CHSY3: variants seen among roughly 807,000 people sequenced by gnomAD.
The protein encoded by CHSY3 is chondroitin sulfate synthase 3.
A neutral mutation model predicts 67.2 loss-of-function variants in CHSY3; 35 were observed. The ratio of observed to expected loss-of-function variants is 0.52; its 90% CI spans 0.40 to 0.69. CHSY3 has a LOEUF of 0.69. Among genes scored for constraint, CHSY3 ranks in the 30% least tolerant of loss-of-function variants. CHSY3 has a pLI of 0.00. For missense variants in CHSY3, 1,069 were observed against 1,138.5 expected (o/e 0.94, Z 0.88); for synonymous variants, 474 against 434.7 (o/e 1.09, Z -1.12).
chr5:129,914,178 T>G (rs1760662721), intron 2 of CHSY3, among the ~76,000 whole-genome samples: 1 of 152,174 alleles, frequency 6.6e-6, no homozygotes, highest in African/African-American at 2.4e-5. Flanking sequence ...TGCTGCAATC[T>G]TGGCTCACTG....
intron 2 of CHSY3, among the ~76,000 whole-genome samples, chr5:130,168,369 T>C (rs2149731480): frequency 6.6e-6 from 1 of 152,232 alleles, no homozygotes; most frequent in East Asian, 1.9e-4. Context: ...ATGGCAGTCT[T>C]CGCCCTTTCT....
chr5:130,084,126 T>C (rs62391442), intron 2 of CHSY3, among the ~76,000 whole-genome samples: 8,465 of 152,084 alleles, frequency 0.056, 353 homozygotes, highest in Non-Finnish European at 0.082. Context: ...GTAATTCATA[T>C]TAGTTCTATG....
intron 2 of CHSY3, among the ~76,000 whole-genome samples, chr5:129,979,710 T>C (rs976727528): frequency 4.6e-5 from 7 of 152,206 alleles, no homozygotes; most frequent in Non-Finnish European, 8.8e-5. Flanking sequence ...CATTATTGTA[T>C]TTTACGGAGT....
intron 2 of CHSY3, among the ~76,000 whole-genome samples, chr5:130,057,112 G>A (rs1252323614): frequency 6.6e-6 from 1 of 151,402 alleles, no homozygotes; most frequent in Non-Finnish European, 1.5e-5. Context: ...TTTTAGTAGA[G>A]AAGGGGTTTC....
chr5:130,052,772 G>T lies in CHSY3; in HGVS notation c.1087-131457G>T, dbSNP rs565047740. 1.4e-3 allele frequency among the ~76,000 whole-genome samples: 218 copies of T among 152,114 alleles called. 1 individual carries two copies. The highest frequency in any genetic ancestry group is 2.5e-3 in the Non-Finnish European group (172 of 68,000). ...TTATAATCAGATAATATCCACAGGC[G>T]TTAATTTATCCTTTCTGCCTCTATT... On this transcript the variant is annotated intron_variant, in intron 2 of 2. Coordinates refer to ENST00000305031, the MANE Select transcript of CHSY3 (RefSeq NM_175856.5).
intron 2 of CHSY3, among the ~76,000 whole-genome samples, chr5:130,169,701 AC>A (rs1769846990): frequency 1.3e-5 from 2 of 151,458 alleles, no homozygotes; most frequent in African/African-American, 4.8e-5. Flanking sequence ...AAAAAAAAAA[AC>A]AGTAATTACA....
chr5:129,981,788 G>C (rs1006359018), intron 2 of CHSY3, among the ~76,000 whole-genome samples: 1 of 152,164 alleles, frequency 6.6e-6, no homozygotes, highest in African/African-American at 2.4e-5. Context: ...AGCTTAGTGG[G>C]AAAGCTTTGA....
intron 2 of CHSY3, among the ~76,000 whole-genome samples, chr5:130,167,021 A>G (rs958346810): frequency 5.9e-5 from 9 of 152,246 alleles, no homozygotes; most frequent in East Asian, 1.9e-4. Flanking sequence ...CAAGACTACT[A>G]CAATAGGGGA....
intron 2 of CHSY3, among the ~76,000 whole-genome samples, chr5:130,068,469 GAAC>G (rs949588380): frequency 6.6e-5 from 10 of 151,982 alleles, no homozygotes; most frequent in Middle Eastern, 3.4e-3. Context: ...ACTCCTCTAA[GAAC>G]AACAACAACA....
In CHSY3 at chr5:129,924,370, G is replaced by A. The variant is rs953023088; in HGVS notation, c.1086+16010G>A. On this transcript the variant is annotated intron_variant, in intron 2 of 2. Coordinates refer to ENST00000305031, the MANE Select transcript of CHSY3 (RefSeq NM_175856.5). ...GCTTTTAAAATTAGAATTAACGGCC[G>A]AGCGCAGTGGCTCATGCCTGTAATC... is the stretch of plus-strand genomic sequence containing the variant. 2.6e-5 allele frequency among the ~76,000 whole-genome samples: 4 copies of A among 151,942 alleles called. No individual in the cohort carries two copies. The East Asian group carries it at 5.8e-4, about 22-fold the overall frequency.
At position 130,060,011 on chromosome 5, in the gene CHSY3, C is replaced by T. The variant is rs1765659074; in HGVS notation, c.1087-124218C>T. On this transcript the variant is annotated intron_variant, in intron 2 of 2. Coordinates refer to ENST00000305031, the MANE Select transcript of CHSY3 (RefSeq NM_175856.5). ...GTACAAAAAAAAAACTGGTACCGGT[C>T]TTACTGAAACTATTCCAAAAAGTCA... 2.0e-5 allele frequency among the ~76,000 whole-genome samples: 3 copies of T among 151,986 alleles called. No individual in the cohort carries two copies. The South Asian group carries it at 6.2e-4, about 32-fold the overall frequency.
At chr5:130,156,849 C>G (rs1769387264) in intron 2 of CHSY3, among the ~76,000 whole-genome samples, 1 of 152,166 alleles carries the variant, frequency 6.6e-6, no homozygotes, top group South Asian at 2.1e-4. Context: ...TTTTTAACAG[C>G]AAGAAAACAC....
Position 130,092,417 on chromosome 5 carries a change from G to T in CHSY3, c.1087-91812G>T, listed in dbSNP as rs760815471. On this transcript the variant is annotated intron_variant, in intron 2 of 2. Coordinates refer to ENST00000305031, the MANE Select transcript of CHSY3 (RefSeq NM_175856.5). ...GTGAATTCATCATAGTCTTGAGTTGGAATGATTATGTTTAGGTTCACACCT... is the reference window on the plus strand; with the variant it reads ...GTGAATTCATCATAGTCTTGAGTTGTAATGATTATGTTTAGGTTCACACCT... 2.0e-5 allele frequency among the ~76,000 whole-genome samples: 3 copies of T among 152,090 alleles called. No homozygotes were observed. The South Asian group carries it at 6.2e-4, about 32-fold the overall frequency.
chr5:130,156,826 C>T (rs2149726265), intron 2 of CHSY3, among the ~76,000 whole-genome samples: 1 of 152,252 alleles, frequency 6.6e-6, no homozygotes, highest in South Asian at 2.1e-4. Flanking sequence ...TCTATGACAA[C>T]AGTATGGAAA....
At chr5:129,911,889 T>C (rs1012867995) in intron 2 of CHSY3, among the ~76,000 whole-genome samples, 2 of 152,152 alleles carry the variant, frequency 1.3e-5, no homozygotes, top group African/African-American at 4.8e-5. Context: ...ACCCCGTCTC[T>C]ACTAAAAATA....
intron 2 of CHSY3, among the ~76,000 whole-genome samples, chr5:129,948,974 C>A (rs958012404): frequency 1.3e-5 from 2 of 152,068 alleles, no homozygotes; most frequent in Non-Finnish European, 2.9e-5. Context: ...ACATTCCCAC[C>A]CGGAGATTGC....
intron 2 of CHSY3, among the ~76,000 whole-genome samples, chr5:130,132,012 A>G (rs376060970): frequency 8.5e-5 from 13 of 152,270 alleles, no homozygotes; most frequent in African/African-American, 2.6e-4. Flanking sequence ...CCCACTGGCC[A>G]CCTTATTTAA....
At chr5:129,940,903 G>A (rs760902812) in intron 2 of CHSY3, among the ~76,000 whole-genome samples, 41 of 152,060 alleles carry the variant, frequency 2.7e-4, no homozygotes, top group Non-Finnish European at 5.0e-4. Flanking sequence ...TGTTCTGGAC[G>A]CATTGAAGGT....
At chr5:130,050,188 T>C (rs1371807729) in intron 2 of CHSY3, among the ~76,000 whole-genome samples, 2 of 152,278 alleles carry the variant, frequency 1.3e-5, no homozygotes, top group East Asian at 3.9e-4. Flanking sequence ...TTCTTTTGAC[T>C]AGTGCATTCT....
Sources: gnomAD v4.1 joint callset for allele counts (sites outside exome capture counted in the v4.1 genomes callset) on GRCh38, gnomAD v4.1.1 for gene constraint, MANE v1.5 for transcripts, NCBI Gene and HGNC (gene_info 2026-07-23, HGNC 2026-07-21) for gene names.